NBEAL1: variants seen among roughly 807,000 people sequenced by gnomAD.
The protein encoded by NBEAL1 is neurobeachin-like protein 1.
Under a neutral mutation model 351.3 loss-of-function variants are expected in NBEAL1, and 273 were observed. The ratio of observed to expected loss-of-function variants is 0.78; its 90% CI spans 0.70 to 0.86. The LOEUF is 0.86. Ranked by LOEUF, NBEAL1 falls within the 40% of genes least tolerant of loss-of-function variation. The pLI, the probability that NBEAL1 is intolerant of heterozygous loss-of-function variation, is 0.00. For synonymous variants in NBEAL1, 1,050 were observed against 1,086.4 expected (o/e 0.97, Z 0.66); for missense variants, 2,961 against 3,201.3 (o/e 0.92, Z 1.81).
rs1300065606 is a variant in NBEAL1, at chr2:203,217,629, T to G, written c.*275T>G. ...AATGAGAACATTAGGTTCAATTTTC[T>G]TATTATTCCAAATGATAAAATTTAA... On this transcript the variant is annotated 3_prime_UTR_variant, in exon 56 of 56. Transcript: ENST00000683969. 1 of 1,008,420 alleles carries G rather than the reference T, an allele frequency of 9.9e-7. No homozygotes were observed. Among genetic ancestry groups the G allele is most frequent in the Non-Finnish European group, 1.2e-6 (1 of 833,350 alleles). 62.5% of individuals were successfully genotyped at this position (1,008,420 alleles called of 1,614,324 possible). A position where few individuals can be genotyped will look rare whatever the true frequency, so the allele number is the denominator to read the frequency against.
intron 2 of NBEAL1, among the ~76,000 whole-genome samples, chr2:203,018,056 T>A (rs1437144382): frequency 6.6e-6 from 1 of 152,152 alleles, no homozygotes; most frequent in Non-Finnish European, 1.5e-5. Context: ...ACGGATAAGC[T>A]TTTTGTAAGG....
intron 12 of NBEAL1, among the ~76,000 whole-genome samples, chr2:203,105,462 CT>C (rs2062416140): frequency 6.6e-6 from 1 of 150,642 alleles, no homozygotes; most frequent in Non-Finnish European, 1.5e-5. Flanking sequence ...GAGACTCCAT[CT>C]CAAAAAAAAA....
intron 27 of NBEAL1, among the ~76,000 whole-genome samples, chr2:203,135,108 G>A (rs1181430456): frequency 4.0e-5 from 6 of 151,694 alleles, no homozygotes; most frequent in African/African-American, 7.3e-5. Flanking sequence ...CCTAGGAGCC[G>A]GAGGTTGTAG....
At chr2:203,146,237 A>T (rs1438269196) in intron 33 of NBEAL1, among the ~76,000 whole-genome samples, 1 of 152,186 alleles carries the variant, frequency 6.6e-6, no homozygotes, top group Non-Finnish European at 1.5e-5. Context: ...TTAAAGAAAT[A>T]TAATTTATAG....
chr2:203,089,611 G>A (rs2062027486), intron 10 of NBEAL1, among the ~76,000 whole-genome samples: 1 of 152,048 alleles, frequency 6.6e-6, no homozygotes, highest in East Asian at 1.9e-4. Context: ...TAAGAGACAC[G>A]AGAACCTAGG....
chr2:203,217,499 A>G lies in NBEAL1; in HGVS notation c.*145A>G. On this transcript the variant is annotated 3_prime_UTR_variant, in exon 56 of 56. Coordinates refer to ENST00000683969, the MANE Select transcript of NBEAL1 (RefSeq NM_001378026.1). ...ATAACCACAATTTGCTGTGGTATATAAACTAATTCTTGGTCTATACTAAGA... is the reference window on the plus strand; with the variant it reads ...ATAACCACAATTTGCTGTGGTATATGAACTAATTCTTGGTCTATACTAAGA... 2 of 1,291,178 alleles carry G rather than the reference A, an allele frequency of 1.5e-6. No individual in the cohort carries two copies. The highest frequency in any genetic ancestry group is 2.0e-6 in the Non-Finnish European group (2 of 1,017,512). 80.0% of individuals were successfully genotyped at this position (1,291,178 alleles called of 1,614,324 possible). A position where few individuals can be genotyped will look rare whatever the true frequency, so the allele number is the denominator to read the frequency against.
At chr2:203,193,699 A>G (rs1471666645) in intron 46 of NBEAL1, 96 bp from the exon 47 acceptor site, 2 of 723,084 alleles carry the variant, frequency 2.8e-6, no homozygotes, top group East Asian at 2.6e-5. Flanking sequence ...CATGGTATGT[A>G]ATTCATTGTA....
In NBEAL1 at chr2:203,144,760, G is replaced by A. The variant is rs138449890; in HGVS notation, c.5009G>A (p.Arg1670His). 21 of 1,614,048 alleles carry A rather than the reference G, an allele frequency of 1.3e-5. No individual in the cohort carries two copies. Among genetic ancestry groups the A allele is most frequent in the East Asian group, 6.7e-5 (3 of 44,866 alleles). The change falls in exon 32 of 56, where the codon CGT becomes CAT. Residue 1670 changes from arginine (R) to histidine (H), a missense_variant. Coordinates refer to ENST00000683969, the MANE Select transcript of NBEAL1 (RefSeq NM_001378026.1). ...EIYSFLIPLV[R>H]TLVSKIYELL... ...TACTCATTTCTGATTCCCCTTGTTC[G>A]TACCCTGGTTTCCAAAATTTATGAG...
chr2:203,162,611 A>G (rs1400047580), intron 36 of NBEAL1, among the ~76,000 whole-genome samples: 1 of 152,020 alleles, frequency 6.6e-6, no homozygotes, highest in East Asian at 1.9e-4. Context: ...TGGCATGGTG[A>G]TGTGAGCCTT....
At position 203,136,028 on chromosome 2, in the gene NBEAL1, CAA is replaced by C. The variant is rs757782239; in HGVS notation, c.4166_4167del (p.Gln1389ArgfsTer6). 5.6e-6 allele frequency: 9 copies of C among 1,613,520 alleles called. No individual in the cohort carries two copies. Among genetic ancestry groups the C allele is most frequent in the Non-Finnish European group, 7.6e-6 (9 of 1,179,712 alleles). On this transcript the variant is annotated frameshift_variant, in exon 28 of 56. Transcript: ENST00000683969. LOFTEE classifies it high-confidence loss of function. ...AGAATTGTCTTTCAAATCAGAGAAT[CAA>C]GAGGAATTCTGGCATAGTAACCCTT... is the stretch of plus-strand genomic sequence containing the variant. ...VGELSFKSEN[Q>X]EEFWHSNPSH...
intron 17 of NBEAL1, 45 bp from the exon 18 acceptor site, chr2:203,115,940 C>A: frequency 1.6e-6 from 2 of 1,243,790 alleles, no homozygotes; most frequent in South Asian, 2.6e-5. Context: ...ACCAAGGAGA[C>A]CATATATATT....
At chr2:203,147,895 T>C (rs1337686436) in intron 33 of NBEAL1, among the ~76,000 whole-genome samples, 1 of 152,028 alleles carries the variant, frequency 6.6e-6, no homozygotes, top group Non-Finnish European at 1.5e-5. Context: ...TCTACCAGTT[T>C]GTATTCTCAT....
At chr2:203,048,268 G>A (rs1327425998) in intron 3 of NBEAL1, among the ~76,000 whole-genome samples, 6 of 151,408 alleles carry the variant, frequency 4.0e-5, no homozygotes, top group African/African-American at 1.2e-4. Flanking sequence ...TGTAATCCCA[G>A]CTACTCGGGA....
At position 203,115,970 on chromosome 2, in the gene NBEAL1, G is replaced by C. The variant is rs535867592; in HGVS notation, c.2507-15G>C. The C allele has an allele frequency of 2.0e-6, 3 of 1,525,236 alleles. No individual in the cohort carries two copies. The highest frequency in any genetic ancestry group is 2.7e-6 in the Non-Finnish European group (3 of 1,122,432). 94.5% of individuals were successfully genotyped at this position (1,525,236 alleles called of 1,614,324 possible). A position where few individuals can be genotyped will look rare whatever the true frequency, so the allele number is the denominator to read the frequency against. On this transcript the variant is annotated splice_polypyrimidine_tract_variant and intron_variant, in intron 17 of 55. Transcript: ENST00000683969. ...TATATTCAATGGTGTGTATGTGTGT[G>C]TAAATAATTTTCAGGTCCAAATTGT... is the stretch of plus-strand genomic sequence containing the variant.
At chr2:203,128,722 C>T (rs574812180) in intron 24 of NBEAL1, among the ~76,000 whole-genome samples, 19 of 151,656 alleles carry the variant, frequency 1.3e-4, no homozygotes, top group African/African-American at 1.9e-4. Context: ...CTCAGCCTCC[C>T]GAGTAGCTGG....
chr2:203,175,878 C>T (rs2064483757), intron 42 of NBEAL1, among the ~76,000 whole-genome samples: 1 of 152,096 alleles, frequency 6.6e-6, no homozygotes, highest in African/African-American at 2.4e-5. Flanking sequence ...TTTTGCCTTC[C>T]CTACCCAAAC....
chr2:203,058,992 A>G (rs1574910942), intron 6 of NBEAL1, among the ~76,000 whole-genome samples: 1 of 152,176 alleles, frequency 6.6e-6, no homozygotes, highest in East Asian at 1.9e-4. Flanking sequence ...AATCTCCTCA[A>G]GATTTTCCAT....
intron 19 of NBEAL1, 51 bp from the exon 20 acceptor site, chr2:203,125,301 A>T: frequency 7.9e-7 from 1 of 1,273,654 alleles, no homozygotes; most frequent in South Asian, 1.9e-5. Flanking sequence ...ATATTAAATG[A>T]CAAAATTGTC....
intron 51 of NBEAL1, among the ~76,000 whole-genome samples, chr2:203,203,101 A>C (rs967435040): frequency 1.3e-5 from 2 of 152,094 alleles, no homozygotes; most frequent in African/African-American, 4.8e-5. Flanking sequence ...ATAGATTTAT[A>C]GTTTTCATCA....
Sources: gnomAD v4.1 joint callset for allele counts (sites outside exome capture counted in the v4.1 genomes callset) on GRCh38, gnomAD v4.1.1 for gene constraint, MANE v1.5 for transcripts, NCBI Gene and HGNC (gene_info 2026-07-23, HGNC 2026-07-21) for gene names.